Variants in DLC1 observed in about 807,000 individuals in gnomAD.
DLC1 encodes the protein rho GTPase-activating protein 7.
In DLC1, 54 loss-of-function variants were observed where a neutral mutation model predicts 140.3. The ratio of observed to expected loss-of-function variants is 0.38; its 90% CI spans 0.31 to 0.48. DLC1 has a LOEUF of 0.48. DLC1 is among the 20% of genes least tolerant of loss of function. The pLI, the probability that DLC1 is intolerant of heterozygous loss-of-function variation, is 0.96. For synonymous variants in DLC1, 986 were observed against 728.1 expected (o/e 1.35, Z -5.70); for missense variants, 2,536 against 1,907.0 (o/e 1.33, Z -6.14).
intron 15 of DLC1, among the ~76,000 whole-genome samples, chr8:13,089,794 G>T (rs1817891247): frequency 6.6e-6 from 1 of 152,170 alleles, no homozygotes. Context: ...AGATGCCTCT[G>T]CCCTCAAGAG....
chr8:13,583,217 A>C (rs1244934111), intron 1 of DLC1, among the ~76,000 whole-genome samples: 2 of 152,104 alleles, frequency 1.3e-5, no homozygotes, highest in African/African-American at 4.8e-5. Flanking sequence ...ATTTTACCCA[A>C]AGGGGAACTG....
At chr8:13,305,523 T>C (rs1344969804) in intron 4 of DLC1, among the ~76,000 whole-genome samples, 1 of 152,198 alleles carries the variant, frequency 6.6e-6, no homozygotes, top group Admixed American at 6.5e-5. Flanking sequence ...CTCAAATGAA[T>C]GCACATCCAT....
At chr8:13,248,368 GT>G (rs1829854082) in intron 5 of DLC1, among the ~76,000 whole-genome samples, 1 of 151,764 alleles carries the variant, frequency 6.6e-6, no homozygotes, top group African/African-American at 2.4e-5. Context: ...TATTAGGTTA[GT>G]TGCAGGAAGA....
At chr8:13,206,858 A>AT (rs552271379) in intron 5 of DLC1, among the ~76,000 whole-genome samples, 327 of 150,374 alleles carry the variant, frequency 2.2e-3, no homozygotes, top group African/African-American at 4.9e-3. Flanking sequence ...TGACTTACTA[A>AT]TTTTTTTTTT....
intron 4 of DLC1, among the ~76,000 whole-genome samples, chr8:13,357,696 T>A (rs1427135677): frequency 2.0e-5 from 3 of 152,236 alleles, no homozygotes; most frequent in Non-Finnish European, 2.9e-5. Flanking sequence ...CCAATTCTTT[T>A]CATCTTCAGG....
chr8:13,340,666 G>C (rs1041104477), intron 4 of DLC1: 2 of 152,158 alleles, frequency 1.3e-5, no homozygotes, highest in African/African-American at 4.8e-5. Context: ...TTGACTAGCT[G>C]ATTCTTCAAA....
intron 1 of DLC1, among the ~76,000 whole-genome samples, chr8:13,562,698 A>G (rs1475996236): frequency 6.6e-6 from 1 of 152,190 alleles, no homozygotes; most frequent in African/African-American, 2.4e-5. Context: ...TCTTTGATAT[A>G]GTAATCTCAT....
At chr8:13,569,272 T>C (rs554784211) in intron 1 of DLC1, among the ~76,000 whole-genome samples, 2 of 152,266 alleles carry the variant, frequency 1.3e-5, no homozygotes, top group Admixed American at 6.5e-5. Context: ...AAAAAGAAAT[T>C]TGTTTGCAAA....
At chr8:13,567,407 C>G in intron 1 of DLC1, 1 of 1,551,708 alleles carries the variant, frequency 6.4e-7, no homozygotes, top group East Asian at 2.4e-5. Context: ...AGAGGGGATT[C>G]TAAGAAGAAG....
Position 13,091,436 on chromosome 8 carries a change from G to C in DLC1, c.3741-4C>G, listed in dbSNP as rs1818067004. ...ACTTTGTTTTCTTTGCATTACCCTA[G>C]GTAGAAGAAATACAGGAGGGGAACA... On this transcript the variant is annotated splice_polypyrimidine_tract_variant and splice_region_variant and intron_variant, in intron 13 of 17. Coordinates refer to ENST00000276297, the MANE Select transcript of DLC1 (RefSeq NM_182643.3). 1 of 1,611,972 alleles carries C rather than the reference G, an allele frequency of 6.2e-7. No homozygotes were observed. The highest frequency in any genetic ancestry group is 8.5e-7 in the Non-Finnish European group (1 of 1,178,412).
At chr8:13,300,069 T>C (rs1373710455) in intron 5 of DLC1, among the ~76,000 whole-genome samples, 1 of 152,184 alleles carries the variant, frequency 6.6e-6, no homozygotes, top group Non-Finnish European at 1.5e-5. Context: ...AAAGAAAATG[T>C]GGTACATATA....
At chr8:13,549,316 T>A (rs1803768474) in intron 1 of DLC1, among the ~76,000 whole-genome samples, 1 of 152,048 alleles carries the variant, frequency 6.6e-6, no homozygotes, top group Non-Finnish European at 1.5e-5. Flanking sequence ...CTTAATACTT[T>A]AAAAAAAGTA....
Position 13,292,345 on chromosome 8 carries a change from G to T in DLC1, c.1348+12924C>A, listed in dbSNP as rs1032096379. Among the ~76,000 whole-genome samples the T allele has an allele frequency of 5.8e-4, 89 of 152,154 alleles. 1 individual carries two copies. Among genetic ancestry groups the T allele is most frequent in the Non-Finnish European group, 2.2e-4 (15 of 68,028 alleles). On this transcript the variant is annotated intron_variant, in intron 5 of 17. Transcript: ENST00000276297. ...TTGTCATGGACCATCTGGGAGAACGGCTCCTGATTAGCTGTGGAACGATGA... is the reference window on the plus strand; with the variant it reads ...TTGTCATGGACCATCTGGGAGAACGTCTCCTGATTAGCTGTGGAACGATGA...
chr8:13,275,434 T>C (rs548546459), intron 5 of DLC1, among the ~76,000 whole-genome samples: 2 of 152,312 alleles, frequency 1.3e-5, no homozygotes, highest in East Asian at 3.9e-4. Context: ...TAAGAAAACA[T>C]AGTCTTTGAC....
intron 6 of DLC1, among the ~76,000 whole-genome samples, chr8:13,114,931 T>C (rs1302830934): frequency 6.6e-6 from 1 of 152,228 alleles, no homozygotes; most frequent in Admixed American, 6.5e-5. Context: ...CATTTTAAAA[T>C]TGAACATACA....
At chr8:13,186,231 C>A (rs1826362934) in intron 5 of DLC1, among the ~76,000 whole-genome samples, 1 of 152,120 alleles carries the variant, frequency 6.6e-6, no homozygotes, top group East Asian at 1.9e-4. Context: ...TGGATAATAT[C>A]CTGAAGAGTG....
chr8:13,133,313 G>T (rs529894535), intron 5 of DLC1: 4 of 1,204,440 alleles, frequency 3.3e-6, no homozygotes, highest in Middle Eastern at 3.4e-4. Flanking sequence ...TCCGCCAGCC[G>T]GGCCCTCCCG....
chr8:13,506,558 C>G (rs1021097), intron 1 of DLC1, among the ~76,000 whole-genome samples: 134,976 of 141,436 alleles, frequency 0.95, 64,558 homozygotes, highest in East Asian at 1. Context: ...CACACACACA[C>G]ACACACACAT....
intron 5 of DLC1, among the ~76,000 whole-genome samples, chr8:13,144,384 C>T (rs1823258481): frequency 6.6e-6 from 1 of 152,194 alleles, no homozygotes; most frequent in African/African-American, 2.4e-5. Flanking sequence ...CTGAGCCGTG[C>T]TATCAGCTTC....
Sources: allele counts gnomAD v4.1 joint callset (sites outside exome capture counted in the v4.1 genomes callset), GRCh38; gene constraint gnomAD v4.1.1; transcripts MANE v1.5; gene names NCBI Gene and HGNC (gene_info 2026-07-23, HGNC 2026-07-21).